NRBP2: variants seen among roughly 807,000 people sequenced by gnomAD.
NRBP2 encodes the protein nuclear receptor binding protein 2, also known as nuclear receptor-binding protein 2.
A neutral mutation model predicts 74.4 loss-of-function variants in NRBP2; 47 were observed. The ratio of observed to expected loss-of-function variants is 0.63; its 90% confidence interval spans 0.50 to 0.81. NRBP2 has a LOEUF of 0.81. Among genes scored for constraint, NRBP2 ranks in the 30% least tolerant of loss-of-function variants. NRBP2 has a pLI of 0.00. For synonymous variants in NRBP2, 312 were observed against 273.8 expected (o/e 1.14, Z -1.38); for missense variants, 613 against 690.1 (o/e 0.89, Z 1.25).
downstream of NRBP2, among the ~76,000 whole-genome samples, chr8:143,832,886 T>C (rs1554650539): frequency 1.3e-5 from 2 of 152,240 alleles, no homozygotes; most frequent in African/African-American, 4.8e-5. Context: ...TCTGTGTCTT[T>C]TTCTTTCCTA....
Position 143,839,315 on chromosome 8 carries a change from G to T in NRBP2, c.579C>A (p.Ser193=). The part of the protein sequence containing the change: ...IQHNGLIKIG[S]VWHRIFSNAL... ...CACCCAGCCCTGCCCCGCCAGCACC[G>T]GAGCCGATCTTGATGAGGCCGTTGT... The change falls in exon 6 of 18, where the codon TCC becomes TCA. Residue 193 remains serine, a splice_region_variant and synonymous_variant. Coordinates refer to ENST00000442628, the MANE Select transcript of NRBP2 (RefSeq NM_178564.4). This position sits in a 1 kb window ranked among gnomAD's most constrained non-coding sequence, Gnocchi z 5.1. 9.4e-7 allele frequency: 1 copy of T among 1,064,736 alleles called. No individual in the cohort carries two copies. Among genetic ancestry groups the T allele is most frequent in the Non-Finnish European group, 1.3e-6 (1 of 765,366 alleles). The allele number at this position is 1,064,736 out of a possible 1,614,324, so 66.0% of individuals were successfully genotyped here. A position where few individuals can be genotyped will look rare whatever the true frequency, so the allele number is the denominator to read the frequency against.
chr8:143,835,398 A>C lies in NRBP2; in HGVS notation c.*264T>G. On this transcript the variant is annotated 3_prime_UTR_variant, in exon 18 of 18. Transcript: ENST00000442628. The surrounding 1 kb of genome is among the most constrained non-coding windows in gnomAD (Gnocchi z 4.9). ...CCTGGGTAGGAACTCAGGGCGGAGAATGGAGGATATGGGAAGGGGTTCTGG... is the reference window on the plus strand; with the variant it reads ...CCTGGGTAGGAACTCAGGGCGGAGACTGGAGGATATGGGAAGGGGTTCTGG... The C allele has an allele frequency of 1.7e-6, 1 of 575,860 alleles. No homozygotes were observed. Among genetic ancestry groups the C allele is most frequent in the Non-Finnish European group, 3.1e-6 (1 of 325,866 alleles). The allele number at this position is 575,860 out of a possible 1,614,324, so 35.7% of individuals were successfully genotyped here.
chr8:143,832,304 C>T (rs1554650424), downstream of NRBP2, among the ~76,000 whole-genome samples: 5 of 151,830 alleles, frequency 3.3e-5, no homozygotes, highest in African/African-American at 1.2e-4. Context: ...GGGACCTCTG[C>T]CTAGGAAAGC....
chr8:143,835,505 G>T lies in NRBP2; in HGVS notation c.*157C>A. On this transcript the variant is annotated 3_prime_UTR_variant, in exon 18 of 18. Coordinates refer to ENST00000442628, the MANE Select transcript of NRBP2 (RefSeq NM_178564.4). This position sits in a 1 kb window ranked among gnomAD's most constrained non-coding sequence, Gnocchi z 4.9. ...CCAACCCCTCGGCGCCCAAGGCAGG[G>T]TCAGCCCCACTCTCAGGAGACGGGG... is the stretch of plus-strand genomic sequence containing the variant. 2.8e-6 allele frequency: 2 copies of T among 715,238 alleles called. No individual in the cohort carries two copies. The highest frequency in any genetic ancestry group is 1.7e-5 in the South Asian group (1 of 60,072). The allele number at this position is 715,238 out of a possible 1,614,324, so 44.3% of individuals were successfully genotyped here.
At position 143,838,773 on chromosome 8, in the gene NRBP2, C is replaced by T; in HGVS notation, c.747G>A (p.Met249Ile). The T allele has an allele frequency of 6.2e-7, 1 of 1,612,698 alleles. No individual in the cohort carries two copies. The highest frequency in any genetic ancestry group is 8.5e-7 in the Non-Finnish European group (1 of 1,179,376). ...CATTGGTCTGGATTTCCAGTACAGC[C>T]ATCTGGGGCACAGAGCCAGGTCAGG... is the stretch of plus-strand genomic sequence containing the variant. The part of the protein sequence containing the change: ...IFSFGMCALE[M>I]AVLEIQTNGD... Residue 249 changes from methionine to isoleucine, a missense_variant and splice_region_variant, in exon 10 of 18, where the codon ATG (methionine) becomes ATA (isoleucine). Met to Ile is a conservative substitution (Grantham distance 10, BLOSUM62 1). Coordinates refer to ENST00000442628, the MANE Select transcript of NRBP2 (RefSeq NM_178564.4).
chr8:143,830,200 G>A (rs1554649734), downstream of NRBP2, among the ~76,000 whole-genome samples: 2 of 152,266 alleles, frequency 1.3e-5, no homozygotes, highest in African/African-American at 4.8e-5. Flanking sequence ...TAGGAAAGGG[G>A]TTTTATAAAG....
rs797039280 is a variant in NRBP2 at position 143,835,176 on chromosome 8, C to G, written c.*486G>C. 6 of 173,426 alleles carry G rather than the reference C, an allele frequency of 3.5e-5. No individual in the cohort carries two copies. In the South Asian group the frequency reaches 7.2e-4, roughly 21 times the overall value. The allele number at this position is 173,426 out of a possible 1,614,324, so 10.7% of individuals were successfully genotyped here. A position where few individuals can be genotyped will look rare whatever the true frequency, so the allele number is the denominator to read the frequency against. On this transcript the variant is annotated 3_prime_UTR_variant, in exon 18 of 18. Transcript: ENST00000442628. The surrounding 1 kb of genome is among the most constrained non-coding windows in gnomAD (Gnocchi z 4.9). ...CCATGCCTGACACCTGCAGGTGTGT[C>G]ACCGCTGGCTTGCTGTGCAGGCTCC... is the stretch of plus-strand genomic sequence containing the variant.
At position 143,837,548 on chromosome 8, in the gene NRBP2, G is replaced by A. The variant is rs781896097; in HGVS notation, c.974-39C>T. On this transcript the variant is annotated intron_variant, in intron 11 of 17. Transcript: ENST00000442628. This position sits in a 1 kb window ranked among gnomAD's most constrained non-coding sequence, Gnocchi z 4.3. ...AGCATCAAGGCGGTGTGCTCAGGCC[G>A]TGGGTCCTGCAGGGCCCCTTCCACG... The A allele has an allele frequency of 2.4e-5, 38 of 1,596,172 alleles. No individual in the cohort carries two copies. Among genetic ancestry groups the A allele is most frequent in the South Asian group, 1.8e-4 (16 of 88,374 alleles).
At position 143,840,233 on chromosome 8, in the gene NRBP2, G is replaced by T. The variant is rs1818634842; in HGVS notation, c.130-4C>A. 6.5e-7 allele frequency: 1 copy of T among 1,535,834 alleles called. No homozygotes were observed. Among genetic ancestry groups the T allele is most frequent in the Non-Finnish European group, 8.7e-7 (1 of 1,146,824 alleles). Reference sequence around the variant, plus strand: ...CTGGCATGTTCCCTTGGTTTACCTGGGGGTGAATAAAGGGTTATGTGTGCC... The same window carrying T: ...CTGGCATGTTCCCTTGGTTTACCTGTGGGTGAATAAAGGGTTATGTGTGCC... On this transcript the variant is annotated splice_polypyrimidine_tract_variant and splice_region_variant and intron_variant, in intron 1 of 17. Coordinates refer to ENST00000442628, the MANE Select transcript of NRBP2 (RefSeq NM_178564.4). The surrounding 1 kb of genome is among the most constrained non-coding windows in gnomAD (Gnocchi z 5.7).
At position 143,839,281 on chromosome 8, in the gene NRBP2, C is replaced by CCGTT. The variant is rs1554652898; in HGVS notation, c.580+29_580+32dup. 1 of 1,537,282 alleles carries CCGTT rather than the reference C, an allele frequency of 6.5e-7. No individual in the cohort carries two copies. The highest frequency in any genetic ancestry group is 1.2e-5 in the South Asian group (1 of 84,166). Reference sequence around the variant, plus strand: ...TTGGCTCCAGGCACCTTCCCCTGCCCCGTTCCCCCACCCAGCCCTGCCCCG... The same window carrying CCGTT: ...TTGGCTCCAGGCACCTTCCCCTGCCCCGTTCGTTCCCCCACCCAGCCCTGCCCCG... On this transcript the variant is annotated intron_variant, in intron 6 of 17. Coordinates refer to ENST00000442628, the MANE Select transcript of NRBP2 (RefSeq NM_178564.4). This position sits in a 1 kb window ranked among gnomAD's most constrained non-coding sequence, Gnocchi z 5.1.
chr8:143,838,889 C>G lies in NRBP2; in HGVS notation c.738G>C (p.Ala246=). Residue 246 remains alanine, a synonymous_variant, in exon 9 of 18, where the codon GCG becomes GCC. Coordinates refer to ENST00000442628, the MANE Select transcript of NRBP2 (RefSeq NM_178564.4). ...TGGAGGGCGGGGGCAGTACCTCCAGCGCACACATCCCAAAGGAGAAGATGT... is the reference window on the plus strand; with the variant it reads ...TGGAGGGCGGGGGCAGTACCTCCAGGGCACACATCCCAAAGGAGAAGATGT... The part of the protein sequence containing the change: ...AVDIFSFGMC[A]LEMAVLEIQT... The G allele has an allele frequency of 1.2e-6, 2 of 1,613,026 alleles. No individual in the cohort carries two copies. Among genetic ancestry groups the G allele is most frequent in the Non-Finnish European group, 1.7e-6 (2 of 1,179,606 alleles).
In NRBP2 at chr8:143,840,478, G is replaced by A. The variant is rs375057823; in HGVS notation, c.129+228C>T. 1 of 664,960 alleles carries A rather than the reference G, an allele frequency of 1.5e-6. No individual in the cohort carries two copies. The allele number at this position is 664,960 out of a possible 1,614,324, so 41.2% of individuals were successfully genotyped here. On this transcript the variant is annotated intron_variant, in intron 1 of 17. Transcript: ENST00000442628. The surrounding 1 kb of genome is among the most constrained non-coding windows in gnomAD (Gnocchi z 5.7). Reference sequence around the variant, plus strand: ...GGATCCCCAGGAAGCTAGCGGCTGAGTCCAGAGGCATGGGGAGGTGGTCCT... The same window carrying A: ...GGATCCCCAGGAAGCTAGCGGCTGAATCCAGAGGCATGGGGAGGTGGTCCT...
downstream of NRBP2, among the ~76,000 whole-genome samples, chr8:143,830,744 A>G (rs1818126660): frequency 6.6e-6 from 1 of 152,246 alleles, no homozygotes; most frequent in Non-Finnish European, 1.5e-5. Flanking sequence ...CCTGAGAAAG[A>G]AGAAAAGGGA....
At chr8:143,830,767 A>G (rs1191009141), downstream of NRBP2, among the ~76,000 whole-genome samples, 3 of 152,266 alleles carry the variant, frequency 2.0e-5, no homozygotes, top group East Asian at 5.8e-4. Flanking sequence ...CAGAAGAAAC[A>G]GAGACGATAA....
chr8:143,839,574 C>G lies in NRBP2; in HGVS notation c.445-25G>C. The G allele has an allele frequency of 1.3e-6, 2 of 1,526,972 alleles. No homozygotes were observed. The highest frequency in any genetic ancestry group is 1.7e-6 in the Non-Finnish European group (2 of 1,142,922). The allele number at this position is 1,526,972 out of a possible 1,614,324, so 94.6% of individuals were successfully genotyped here. On this transcript the variant is annotated intron_variant, in intron 4 of 17. Transcript: ENST00000442628. This position sits in a 1 kb window ranked among gnomAD's most constrained non-coding sequence, Gnocchi z 5.1. ...CCTGGCGGCGGACGCACGACTCCGT[C>G]GGTCGGGTGGGCGCAGGAGAGGCGG...
Position 143,839,114 on chromosome 8 carries a change from C to A in NRBP2, c.605-14G>T. The A allele has an allele frequency of 1.3e-6, 2 of 1,516,126 alleles. No individual in the cohort carries two copies. The highest frequency in any genetic ancestry group is 1.8e-6 in the Non-Finnish European group (2 of 1,134,564). The allele number at this position is 1,516,126 out of a possible 1,614,324, so 93.9% of individuals were successfully genotyped here. The stretch of plus-strand genomic sequence containing the variant: ...CATCTGGAAGTGCTGTGGGAGGGCG[C>A]AGAGCTGAGCGGGCGGGGACCTCTC... On this transcript the variant is annotated splice_polypyrimidine_tract_variant and intron_variant, in intron 7 of 17. Transcript: ENST00000442628. This position sits in a 1 kb window ranked among gnomAD's most constrained non-coding sequence, Gnocchi z 5.1.
At position 143,837,136 on chromosome 8, in the gene NRBP2, C is replaced by G. The variant is rs782468299; in HGVS notation, c.1166G>C (p.Arg389Pro). 12 of 1,612,188 alleles carry G rather than the reference C, an allele frequency of 7.4e-6. No individual in the cohort carries two copies. The highest frequency in any genetic ancestry group is 4.5e-5 in the East Asian group (2 of 44,804). Residue 389 changes from arginine to proline, a missense_variant, in exon 14 of 18, where the codon CGA becomes CCA. This residue lies in a region of NRBP2 where 281 missense variants were observed against 260.9 expected (regional missense o/e 1.08). Coordinates refer to ENST00000442628, the MANE Select transcript of NRBP2 (RefSeq NM_178564.4). The surrounding 1 kb of genome is among the most constrained non-coding windows in gnomAD (Gnocchi z 4.3). Reference protein sequence around the residue: ...IYPLMNFAATRPLGLPRVLAP... With the variant: ...IYPLMNFAATPPLGLPRVLAP... ...CAGCACACGGGGCAGCCCCAGGGGT[C>G]GAGTGGCTGCAAAGTTCATCAGTGG...
chr8:143,836,207 C>A, intron 14 of NRBP2, 27 bp from the exon 15 acceptor site: 1 of 1,514,916 alleles, frequency 6.6e-7, no homozygotes, highest in East Asian at 2.4e-5. Context: ...CTGGGACTCA[C>A]AAACCCAGCA....
rs782647413 is a variant in NRBP2, at chr8:143,839,167, C to G, written c.604+5G>C. 1.2e-5 allele frequency: 18 copies of G among 1,525,086 alleles called. No individual in the cohort carries two copies. In the South Asian group the frequency reaches 2.2e-4, roughly 18 times the overall value. 94.5% of individuals were successfully genotyped at this position (1,525,086 alleles called of 1,614,324 possible). ...GGACCCCGTCCCCCCAAAGTCCGCA[C>G]TTACCATTGGAGAAGATTCGGTGCC... On this transcript the variant is annotated splice_donor_5th_base_variant and intron_variant, in intron 7 of 17. Transcript: ENST00000442628. The surrounding 1 kb of genome is among the most constrained non-coding windows in gnomAD (Gnocchi z 5.1).
Sources: gnomAD v4.1 joint callset for allele counts (sites outside exome capture counted in the v4.1 genomes callset) on GRCh38, gnomAD v4.1.1 for gene constraint, gnomAD v4.1.1 regional missense constraint, Gnocchi (gnomAD v3.1) non-coding constraint, MANE v1.5 for transcripts, NCBI Gene and HGNC (gene_info 2026-07-23, HGNC 2026-07-21) for gene names.